Variants in ZC3H14 observed in about 807,000 individuals in gnomAD.
ZC3H14 encodes zinc finger CCCH domain-containing protein 14.
In ZC3H14, 31 loss-of-function variants were observed where a neutral mutation model predicts 92.4. The ratio of observed to expected loss-of-function variants is 0.34; its 90% CI spans 0.25 to 0.45. The LOEUF (loss-of-function observed/expected upper bound fraction) is 0.45. Ranked by LOEUF, ZC3H14 falls within the 20% of genes least tolerant of loss-of-function variation. ZC3H14 has a pLI of 1.00. For synonymous variants in ZC3H14, 321 were observed against 300.9 expected (o/e 1.07, Z -0.69); for missense variants, 781 against 897.3 (o/e 0.87, Z 1.66).
At chr14:88,573,940 T>C (rs2080826143) in intron 6 of ZC3H14, among the ~76,000 whole-genome samples, 1 of 152,192 alleles carries the variant, frequency 6.6e-6, no homozygotes, top group Admixed American at 6.5e-5. Context: ...TAAATTGTTT[T>C]ATCTGCTGTT....
chr14:88,598,222 G>A (rs189416252), intron 10 of ZC3H14, among the ~76,000 whole-genome samples: 1 of 152,142 alleles, frequency 6.6e-6, no homozygotes, highest in Admixed American at 6.5e-5. Flanking sequence ...TGGGGCATGG[G>A]GCACTTTGAC....
Position 88,618,552 on chromosome 14 carries a change from C to T in ZC3H14, c.*6801C>T, listed in dbSNP as rs768342867. The T allele has an allele frequency of 1.3e-4, 177 of 1,384,858 alleles. No homozygotes were observed. Among genetic ancestry groups the T allele is most frequent in the African/African-American group, 1.7e-4 (12 of 69,104 alleles). The allele number at this position is 1,384,858 out of a possible 1,614,324, so 85.8% of individuals were successfully genotyped here. ...AGGTACAAAGGGAGGAGTTGAGAAGCTGGAGCTCTGGAGCTCAGGAACTTT... is the reference window on the plus strand; with the variant it reads ...AGGTACAAAGGGAGGAGTTGAGAAGTTGGAGCTCTGGAGCTCAGGAACTTT... On this transcript the variant is annotated 3_prime_UTR_variant, in exon 17 of 17. Transcript: ENST00000251038.
chr14:88,571,156 G>C (rs1354804355), intron 4 of ZC3H14, 32 bp downstream of exon 4: 1 of 1,517,864 alleles, frequency 6.6e-7, no homozygotes, highest in Non-Finnish European at 9.0e-7. Context: ...TTTAATTTCT[G>C]CTTGCTATGG....
rs1258866069 is a variant in ZC3H14 at position 88,596,764 on chromosome 14, T to C, written c.1310T>C (p.Leu437Pro). ...CAACAGAGGCAATTATTATCCCGAC[T>C]GCAAATCGACCCAGTAATGGCAGAA... is the stretch of plus-strand genomic sequence containing the variant. ...GTQQRQLLSRLQIDPVMAETL... is the reference protein window; with the variant it reads ...GTQQRQLLSRPQIDPVMAETL... Residue 437 changes from leucine to proline, a missense_variant, in exon 10 of 17, where the codon CTG becomes CCG. Around this residue, in one of 3 missense-constraint regions of ZC3H14, gnomAD observed 454 missense variants for 438.5 expected, o/e 1.04. Coordinates refer to ENST00000251038, the MANE Select transcript of ZC3H14 (RefSeq NM_024824.5). The C allele has an allele frequency of 6.2e-7, 1 of 1,613,980 alleles. No homozygotes were observed. The highest frequency in any genetic ancestry group is 1.3e-5 in the African/African-American group (1 of 74,926).
intron 11 of ZC3H14, 73 bp downstream of exon 11, chr14:88,602,156 T>A: frequency 6.3e-7 from 1 of 1,599,948 alleles, no homozygotes; most frequent in Non-Finnish European, 8.6e-7. Context: ...CGTTTGCAGC[T>A]TCCCTCCTCC....
intron 9 of ZC3H14, among the ~76,000 whole-genome samples, chr14:88,583,007 C>T (rs762066795): frequency 6.6e-5 from 10 of 150,646 alleles, no homozygotes; most frequent in Non-Finnish European, 1.5e-4. Context: ...TTTGTCTTGC[C>T]ATCAGTCTGT....
At chr14:88,608,296 C>T (rs1055385502) in intron 13 of ZC3H14, 4 of 497,054 alleles carry the variant, frequency 8.0e-6, no homozygotes, top group African/African-American at 7.9e-5. Context: ...CATCCCCCAT[C>T]TCACCCTGCA....
chr14:88,572,963 T>C lies in ZC3H14; in HGVS notation c.817T>C (p.Tyr273His). The C allele has an allele frequency of 2.5e-6, 4 of 1,614,118 alleles. No homozygotes were observed. The highest frequency in any genetic ancestry group is 3.4e-6 in the Non-Finnish European group (4 of 1,180,026). Residue 273 changes from tyrosine to histidine, a missense_variant, in exon 6 of 17, where the codon TAT (tyrosine) becomes CAT (histidine). Tyr to His is a moderately conservative substitution (Grantham distance 83). Around this residue, in one of 3 missense-constraint regions of ZC3H14, gnomAD observed 454 missense variants for 438.5 expected, o/e 1.04. Coordinates refer to ENST00000251038, the MANE Select transcript of ZC3H14 (RefSeq NM_024824.5). ...GGTGCTTAACAGCTTAGAAGAAACG[T>C]ATAGTCCGTTCTTTAGAAACAACTC... ...PEVLNSLEET[Y>H]SPFFRNNSEK... is the part of the protein sequence containing the mutation.
At chr14:88,583,111 A>C (rs1385019850) in intron 9 of ZC3H14, among the ~76,000 whole-genome samples, 2 of 98,824 alleles carry the variant, frequency 2.0e-5, no homozygotes, top group African/African-American at 7.5e-5. Context: ...TTTGTTTTCT[A>C]TTTCATTGAC....
intron 9 of ZC3H14, among the ~76,000 whole-genome samples, chr14:88,579,873 C>T (rs2081658678): frequency 6.6e-6 from 1 of 152,102 alleles, no homozygotes; most frequent in African/African-American, 2.4e-5. Flanking sequence ...AGCTAGAAGA[C>T]ATTATTTAAA....
chr14:88,563,078 A>G lies in ZC3H14; in HGVS notation c.-56A>G, dbSNP rs1322470713. On this transcript the variant is annotated 5_prime_UTR_variant, in exon 1 of 17. Transcript: ENST00000251038. ...CGGCTGCGGGGTAGGAGTCCGCGGC[A>G]GCCTCCGGGTAAGCCAAGCGCCGCG... The G allele has an allele frequency of 6.5e-7, 1 of 1,548,926 alleles. No individual in the cohort carries two copies. Among genetic ancestry groups the G allele is most frequent in the Non-Finnish European group, 8.7e-7 (1 of 1,154,274 alleles).
At chr14:88,574,394 T>A (rs2080894400) in intron 6 of ZC3H14, 2 of 355,962 alleles carry the variant, frequency 5.6e-6, no homozygotes, top group Non-Finnish European at 1.1e-5. Flanking sequence ...TACAGGCACA[T>A]GCCGCCACGC....
rs137862085 is a variant in ZC3H14 at position 88,576,175 on chromosome 14, C to A, written c.1123+235C>A. Among the ~76,000 whole-genome samples the A allele has an allele frequency of 7.8e-3, 1,192 of 152,210 alleles. 16 individuals are homozygous for A. Among genetic ancestry groups the A allele is most frequent in the African/African-American group, 0.027 (1,129 of 41,526 alleles). On this transcript the variant is annotated intron_variant, in intron 8 of 16. Coordinates refer to ENST00000251038, the MANE Select transcript of ZC3H14 (RefSeq NM_024824.5). ...ACCATATAATGCCTTTTATATCTTT[C>A]CAATGTGTGTAAAATATATAGTACG...
chr14:88,563,121 A>G lies in ZC3H14; in HGVS notation c.-13A>G. On this transcript the variant is annotated 5_prime_UTR_variant, in exon 1 of 17. Transcript: ENST00000251038. The stretch of plus-strand genomic sequence containing the variant: ...GCGCCGCGCAGTGCTGAGTTCCCGC[A>G]CGCCGCAGAGCCATGGAGATCGGCA... 1 of 1,589,064 alleles carries G rather than the reference A, an allele frequency of 6.3e-7. No individual in the cohort carries two copies.
At position 88,616,049 on chromosome 14, in the gene ZC3H14, C is replaced by T. The variant is rs2087558009; in HGVS notation, c.*4298C>T. 15 of 1,391,514 alleles carry T rather than the reference C, an allele frequency of 1.1e-5. No homozygotes were observed. Among genetic ancestry groups the T allele is most frequent in the South Asian group, 2.4e-5 (2 of 83,794 alleles). The allele number at this position is 1,391,514 out of a possible 1,614,324, so 86.2% of individuals were successfully genotyped here. The stretch of plus-strand genomic sequence containing the variant: ...ACTACCTTCTACTAATGTTGACTAG[C>T]TGATTTCATAAACCAAAGCTGTAGG... On this transcript the variant is annotated 3_prime_UTR_variant, in exon 17 of 17. Transcript: ENST00000251038.
chr14:88,576,607 C>T (rs780348638), intron 8 of ZC3H14, among the ~76,000 whole-genome samples: 13 of 152,134 alleles, frequency 8.5e-5, no homozygotes, highest in Non-Finnish European at 1.3e-4. Context: ...CTCTGGCCGA[C>T]CTGTTGTAGC....
chr14:88,575,833 C>G lies in ZC3H14; in HGVS notation c.1023-7C>G. 1.2e-6 allele frequency: 2 copies of G among 1,608,920 alleles called. No individual in the cohort carries two copies. Among genetic ancestry groups the G allele is most frequent in the East Asian group, 4.5e-5 (2 of 44,796 alleles). On this transcript the variant is annotated splice_region_variant and splice_polypyrimidine_tract_variant and intron_variant, in intron 7 of 16. Transcript: ENST00000251038. ...TTTAATAAAAATACCTTTCTTAACT[C>G]TTTTAGACCTTCTCTTCCACCTTCT...
chr14:88,612,032 G>C lies in ZC3H14; in HGVS notation c.*281G>C. ...ATTTGGGGCATGTTTGTGCACTGCT[G>C]TTGTGAGGATCAGCATATGAAATTG... On this transcript the variant is annotated 3_prime_UTR_variant, in exon 17 of 17. Transcript: ENST00000251038. 1 of 472,780 alleles carries C rather than the reference G, an allele frequency of 2.1e-6. No individual in the cohort carries two copies. The highest frequency in any genetic ancestry group is 3.7e-5 in the East Asian group (1 of 27,130). The allele number at this position is 472,780 out of a possible 1,614,324, so 29.3% of individuals were successfully genotyped here.
At position 88,613,306 on chromosome 14, in the gene ZC3H14, T is replaced by C. The variant is rs967682308; in HGVS notation, c.*1555T>C. On this transcript the variant is annotated 3_prime_UTR_variant, in exon 17 of 17. Coordinates refer to ENST00000251038, the MANE Select transcript of ZC3H14 (RefSeq NM_024824.5). The stretch of plus-strand genomic sequence containing the variant: ...GTTTACTCCATTGAATTTAAGGCAT[T>C]TGTTCATTCCAGTGTTGAGATGCTT... The C allele has an allele frequency of 2.0e-5, 3 of 152,200 alleles. No homozygotes were observed. Among genetic ancestry groups the C allele is most frequent in the Non-Finnish European group, 2.9e-5 (2 of 68,032 alleles). The allele number at this position is 152,200 out of a possible 1,614,324, so 9.4% of individuals were successfully genotyped here.
Sources: gnomAD v4.1 joint callset for allele counts (sites outside exome capture counted in the v4.1 genomes callset) on GRCh38, gnomAD v4.1.1 for gene constraint, gnomAD v4.1.1 regional missense constraint, MANE v1.5 for transcripts, NCBI Gene and HGNC (gene_info 2026-07-23, HGNC 2026-07-21) for gene names.